Variants in SMYD3 observed in about 807,000 individuals in gnomAD.
The protein encoded by SMYD3 is histone-lysine N-methyltransferase SMYD3.
In SMYD3, 36 loss-of-function variants were observed where a neutral mutation model predicts 57.7. That is an observed-to-expected ratio of 0.62 (90% CI 0.48 to 0.82). The LOEUF (loss-of-function observed/expected upper bound fraction) is 0.82, where lower values mean the gene tolerates loss of function less well. SMYD3 is among the 40% of genes least tolerant of loss of function. The pLI, the probability that SMYD3 is intolerant of heterozygous loss-of-function variation, is 0.00. For synonymous variants in SMYD3, 211 were observed against 195.0 expected, an observed-to-expected ratio of 1.08 and a Z score of -0.68; for missense variants, 515 against 538.8, an observed-to-expected ratio of 0.96 and a Z score of 0.44.
intron 5 of SMYD3, among the ~76,000 whole-genome samples, chr1:246,194,269 T>C (rs543864479): frequency 4.7e-5 from 7 of 149,784 alleles, no homozygotes; most frequent in Non-Finnish European, 1.0e-4. Context: ...GTGGGGTTTT[T>C]TTGTTTTTTT....
intron 5 of SMYD3, among the ~76,000 whole-genome samples, chr1:245,996,369 G>C (rs1193150663): frequency 2.0e-5 from 3 of 152,186 alleles, no homozygotes; most frequent in Non-Finnish European, 2.9e-5. Context: ...GCTGGGATTA[G>C]GGGTATAATG....
At chr1:245,920,119 C>G (rs4654170) in intron 7 of SMYD3, among the ~76,000 whole-genome samples, 88,162 of 151,902 alleles carry the variant, frequency 0.58, 31,098 homozygotes, top group Non-Finnish European at 0.8. Flanking sequence ...TGAGACCATC[C>G]TGGCTAACAC....
chr1:246,467,859 A>C (rs916621139), intron 1 of SMYD3, among the ~76,000 whole-genome samples: 6 of 152,364 alleles, frequency 3.9e-5, no homozygotes, highest in African/African-American at 1.4e-4. Context: ...AAAAATCCTC[A>C]ACAAAATATT....
chr1:246,227,716 T>C (rs1237394551), intron 5 of SMYD3, among the ~76,000 whole-genome samples: 1 of 152,144 alleles, frequency 6.6e-6, no homozygotes, highest in Non-Finnish European at 1.5e-5. Flanking sequence ...GCTGGAGAAC[T>C]GGGTCCTTTT....
intron 5 of SMYD3, among the ~76,000 whole-genome samples, chr1:246,265,128 T>G: frequency 6.6e-6 from 1 of 152,228 alleles, no homozygotes; most frequent in East Asian, 1.9e-4. Flanking sequence ...CTGAAGCTTC[T>G]GGTCAGTGTA....
At chr1:245,822,754 C>T (rs894692107) in intron 10 of SMYD3, among the ~76,000 whole-genome samples, 1 of 152,168 alleles carries the variant, frequency 6.6e-6, no homozygotes, top group Non-Finnish European at 1.5e-5. Context: ...GGCCCTTTCA[C>T]TGGGCCCACT....
At chr1:245,837,088 G>C (rs1045152554) in intron 10 of SMYD3, among the ~76,000 whole-genome samples, 4 of 152,080 alleles carry the variant, frequency 2.6e-5, no homozygotes, top group Non-Finnish European at 5.9e-5. Context: ...AGCACTTTGG[G>C]AGGCTGAGTG....
chr1:246,198,696 G>C (rs2062862688), intron 5 of SMYD3, among the ~76,000 whole-genome samples: 1 of 152,156 alleles, frequency 6.6e-6, no homozygotes, highest in African/African-American at 2.4e-5. Flanking sequence ...TTAGTCTACT[G>C]CTTTGAATGT....
At chr1:246,363,669 G>C (rs1223208945) in intron 1 of SMYD3, among the ~76,000 whole-genome samples, 2 of 151,534 alleles carry the variant, frequency 1.3e-5, no homozygotes, top group African/African-American at 2.4e-5. Context: ...ACTCAGGGTT[G>C]AATGGATTAA....
At position 246,301,005 on chromosome 1, in the gene SMYD3, A is replaced by T. The variant is rs2064884240; in HGVS notation, c.531+26196T>A. On this transcript the variant is annotated intron_variant, in intron 5 of 11. Coordinates refer to ENST00000490107, the MANE Select transcript of SMYD3 (RefSeq NM_001167740.2). ...TTTCTAGAATAATGCTACCCGTCCT[A>T]AGGGTAGTTCAGCTTTGTAGAGATA... 7.2e-5 allele frequency among the ~76,000 whole-genome samples: 11 copies of T among 152,212 alleles called. No homozygotes were observed. In the South Asian group the frequency reaches 2.3e-3, roughly 32 times the overall value.
intron 5 of SMYD3, among the ~76,000 whole-genome samples, chr1:245,969,848 A>G (rs1572814614): frequency 6.6e-6 from 1 of 152,244 alleles, no homozygotes; most frequent in Non-Finnish European, 1.5e-5. Flanking sequence ...AAGTGTGTAT[A>G]AAAACCAAGT....
chr1:246,047,029 T>C (rs1159622821), intron 5 of SMYD3, among the ~76,000 whole-genome samples: 1 of 152,158 alleles, frequency 6.6e-6, no homozygotes, highest in African/African-American at 2.4e-5. Flanking sequence ...GATAAACATA[T>C]GTTCCTGAAG....
At chr1:246,344,360 CTTCTT>C (rs1206655174) in intron 2 of SMYD3, among the ~76,000 whole-genome samples, 1 of 152,212 alleles carries the variant, frequency 6.6e-6, no homozygotes, top group Non-Finnish European at 1.5e-5. Flanking sequence ...AACAGTCTTA[CTTCTT>C]TTCATCTGGC....
chr1:246,247,893 C>T (rs992264162), intron 5 of SMYD3, among the ~76,000 whole-genome samples: 2 of 152,144 alleles, frequency 1.3e-5, no homozygotes, highest in African/African-American at 2.4e-5. Flanking sequence ...CCTGGATTAG[C>T]GAGCGGTTAT....
At chr1:246,165,822 T>A (rs1343401963) in intron 5 of SMYD3, among the ~76,000 whole-genome samples, 4 of 152,134 alleles carry the variant, frequency 2.6e-5, no homozygotes, top group African/African-American at 9.7e-5. Context: ...TAAAGTAATA[T>A]TTGGGTAAGA....
intron 5 of SMYD3, among the ~76,000 whole-genome samples, chr1:246,298,096 AC>A (rs1306796321): frequency 6.6e-6 from 1 of 152,078 alleles, no homozygotes; most frequent in Non-Finnish European, 1.5e-5. Flanking sequence ...ACAATAAACA[AC>A]ATAAGCTTTT....
chr1:246,204,579 C>T (rs2062969629), intron 5 of SMYD3, among the ~76,000 whole-genome samples: 1 of 152,146 alleles, frequency 6.6e-6, no homozygotes, highest in Non-Finnish European at 1.5e-5. Flanking sequence ...ACTTAATTTA[C>T]CTATTTGCTT....
At chr1:245,957,339 T>A (rs1409399081) in intron 5 of SMYD3, among the ~76,000 whole-genome samples, 1 of 152,208 alleles carries the variant, frequency 6.6e-6, no homozygotes, top group East Asian at 1.9e-4. Flanking sequence ...CCTTCATTCC[T>A]GTTTTCAATA....
At chr1:246,194,794 A>C (rs906658856) in intron 5 of SMYD3, among the ~76,000 whole-genome samples, 2 of 152,254 alleles carry the variant, frequency 1.3e-5, no homozygotes, top group African/African-American at 2.4e-5. Context: ...CAAAGAGAGA[A>C]CATTTCCATT....
Sources: allele counts gnomAD v4.1 joint callset (sites outside exome capture counted in the v4.1 genomes callset), GRCh38; gene constraint gnomAD v4.1.1; transcripts MANE v1.5; gene names NCBI Gene and HGNC (gene_info 2026-07-23, HGNC 2026-07-21).